Variants in BBS2 observed in about 807,000 individuals in gnomAD.
BBS2 encodes BBSome complex member BBS2.
Under a neutral mutation model 83.0 loss-of-function variants are expected in BBS2, and 62 were observed. The ratio of observed to expected loss-of-function variants is 0.75; its 90% confidence interval spans 0.61 to 0.92. The LOEUF (loss-of-function observed/expected upper bound fraction) is 0.92, where lower values mean the gene tolerates loss of function less well. Among genes scored for constraint, BBS2 ranks in the 40% least tolerant of loss-of-function variants. BBS2 has a pLI of 0.00. For missense variants in BBS2, 784 were observed against 901.0 expected (o/e 0.87, Z 1.66); for synonymous variants, 303 against 326.1 (o/e 0.93, Z 0.76).
chr16:56,508,678 CT>C (rs1363699679), intron 5 of BBS2, among the ~76,000 whole-genome samples: 3 of 108 alleles, frequency 0.028, no homozygotes, highest in Non-Finnish European at 0.047. Context: ...GAGTCTTGTT[CT>C]CGTTGCCCCT....
At position 56,498,539 on chromosome 16, in the gene BBS2, CAG is replaced by C. The variant is rs1964176080; in HGVS notation, c.1555_1556del (p.Leu519ValfsTer32). On this transcript the variant is annotated frameshift_variant, in exon 13 of 17. Coordinates refer to ENST00000245157, the MANE Select transcript of BBS2 (RefSeq NM_031885.5). LOFTEE classifies it high-confidence loss of function. ...TCTGAATGTGAGTGTCTTCTGGTAA[CAG>C]AAAGTTCTGACCGAGCCATACAACA... is the stretch of plus-strand genomic sequence containing the variant. Reference protein sequence around the residue: ...RVVVWLGQNFLLPEDTHIQNA... With the variant: ...RVVVWLGQNFXLPEDTHIQNA... 6.2e-7 allele frequency: 1 copy of C among 1,614,006 alleles called. No homozygotes were observed. Among genetic ancestry groups the C allele is most frequent in the Non-Finnish European group, 8.5e-7 (1 of 1,179,998 alleles).
chr16:56,516,577 A>G (rs1173579050), intron 1 of BBS2, among the ~76,000 whole-genome samples: 1 of 152,018 alleles, frequency 6.6e-6, no homozygotes, highest in Non-Finnish European at 1.5e-5. Flanking sequence ...TTGTATTTTT[A>G]GTAGAGACAG....
At chr16:56,472,294 T>C (rs960539522) in intron 17 of BBS2, among the ~76,000 whole-genome samples, 1 of 152,302 alleles carries the variant, frequency 6.6e-6, no homozygotes, top group East Asian at 1.9e-4. Context: ...TCTATTCCTT[T>C]TTTGGTTTCA....
At position 56,514,540 on chromosome 16, in the gene BBS2, C is replaced by T. The variant is rs1567584829; in HGVS notation, c.258G>A (p.Glu86=). ...CCACTAAAAGGGCATCATAGCCAAGCTCAGGGTTCAATACGCCTGCAGTCA... is the reference window on the plus strand; with the variant it reads ...CCACTAAAAGGGCATCATAGCCAAGTTCAGGGTTCAATACGCCTGCAGTCA... ...SCLTAGVLNP[E]LGYDALLVGT... is the part of the protein sequence containing the mutation. Residue 86 remains glutamate (E), a synonymous_variant, in exon 2 of 17, where the codon GAG becomes GAA. Coordinates refer to ENST00000245157, the MANE Select transcript of BBS2 (RefSeq NM_031885.5). The T allele has an allele frequency of 6.2e-7, 1 of 1,614,136 alleles. No homozygotes were observed. The highest frequency in any genetic ancestry group is 8.5e-7 in the Non-Finnish European group (1 of 1,180,024).
chr16:56,498,174 G>A (rs1445089615), intron 13 of BBS2, among the ~76,000 whole-genome samples: 2 of 152,188 alleles, frequency 1.3e-5, no homozygotes, highest in African/African-American at 4.8e-5. Flanking sequence ...ACAAGGAAGA[G>A]ATGAAGGGAA....
At chr16:56,482,136 T>C (rs1963672797), downstream of BBS2, among the ~76,000 whole-genome samples, 3 of 152,212 alleles carry the variant, frequency 2.0e-5, no homozygotes, top group African/African-American at 7.2e-5. Context: ...ATTATGTTAT[T>C]AGACTCCCTA....
At chr16:56,492,419 C>T (rs1375141237) in intron 15 of BBS2, among the ~76,000 whole-genome samples, 1 of 152,048 alleles carries the variant, frequency 6.6e-6, no homozygotes, top group Non-Finnish European at 1.5e-5. Context: ...CATAGAAGGA[C>T]AAATATTATA....
chr16:56,480,352 C>CAAAAAAAAAAAAAAAAAAAAAAAAAAAAA (rs1286219655), downstream of BBS2, among the ~76,000 whole-genome samples: 47 of 76,520 alleles, frequency 6.1e-4, 4 homozygotes, highest in Admixed American at 8.2e-4. Context: ...CACACACACA[C>CAAAAAAAAAAAAAAAAAAAAAAAAAAAAA]AAAAAAAAAA....
chr16:56,485,870 T>G (rs1397736787), intron 15 of BBS2, 132 bp from the exon 16 acceptor site: 3 of 778,490 alleles, frequency 3.9e-6, no homozygotes, highest in South Asian at 3.1e-5. Context: ...ATCGAGTAAC[T>G]GCTAGTTTGC....
At position 56,474,844 on chromosome 16, in the gene BBS2, G is replaced by A; in HGVS notation, c.*1-4149C>T. 1 of 1,606,668 alleles carries A rather than the reference G, an allele frequency of 6.2e-7. No homozygotes were observed. The highest frequency in any genetic ancestry group is 1.7e-5 in the Admixed American group (1 of 59,320). On this transcript the variant is annotated intron_variant, in intron 17 of 17. Coordinates refer to the BBS2 transcript ENST00000682047. ...TTTCCTTAGAATCAAGTGTTCCCATGTGCCAAGGGGAACTGAGGCATTGGA... is the reference window on the plus strand; with the variant it reads ...TTTCCTTAGAATCAAGTGTTCCCATATGCCAAGGGGAACTGAGGCATTGGA...
intron 17 of BBS2, chr16:56,476,101 A>G (rs145365661): frequency 2.9e-5 from 46 of 1,613,448 alleles, no homozygotes; most frequent in Non-Finnish European, 3.7e-5. Flanking sequence ...AGACAGAGAG[A>G]CTCTGAAATT....
At position 56,499,871 on chromosome 16, in the gene BBS2, G is replaced by C. The variant is rs775269750; in HGVS notation, c.1434C>G (p.Leu478=). The C allele has an allele frequency of 1.2e-6, 2 of 1,614,112 alleles. No individual in the cohort carries two copies. Among genetic ancestry groups the C allele is most frequent in the Non-Finnish European group, 1.7e-6 (2 of 1,180,010 alleles). ...QFHVFESTRQ[L]PRFSMYALTS... ...TCAGCGCATACATGGAGAATCGAGG[G>C]AGCTGTCTTGTCGATTCAAATACAT... Residue 478 remains leucine (L), a synonymous_variant, in exon 12 of 17, where the codon CTC becomes CTG. Coordinates refer to ENST00000245157, the MANE Select transcript of BBS2 (RefSeq NM_031885.5).
chr16:56,479,878 C>T (rs913412484), downstream of BBS2, among the ~76,000 whole-genome samples: 9 of 152,346 alleles, frequency 5.9e-5, no homozygotes, highest in South Asian at 2.1e-4. Flanking sequence ...GCAACAAGAA[C>T]GGACAGATTT....
In BBS2 at chr16:56,484,615, GTTCT is replaced by G. The variant is rs1346870447; in HGVS notation, c.*142_*145del. ...GAAAGCAAGTCTATCTTCACATGTA[GTTCT>G]TTGTCTTTAATTTGTACAACTCACC... On this transcript the variant is annotated 3_prime_UTR_variant, in exon 17 of 17. Coordinates refer to ENST00000245157, the MANE Select transcript of BBS2 (RefSeq NM_031885.5). 4.3e-6 allele frequency: 3 copies of G among 692,760 alleles called. No homozygotes were observed. Among genetic ancestry groups the G allele is most frequent in the South Asian group, 1.6e-5 (1 of 63,954 alleles). 42.9% of individuals were successfully genotyped at this position (692,760 alleles called of 1,614,324 possible).
chr16:56,499,654 A>G, intron 12 of BBS2, 124 bp downstream of exon 12: 3 of 1,365,272 alleles, frequency 2.2e-6, no homozygotes, highest in Non-Finnish European at 3.1e-6. Context: ...AAGTTAGAGA[A>G]TTCTTTCATA....
intron 15 of BBS2, among the ~76,000 whole-genome samples, chr16:56,490,886 C>T (rs1963931391): frequency 6.6e-6 from 1 of 151,536 alleles, no homozygotes; most frequent in South Asian, 2.1e-4. Context: ...CTCAGCCTCC[C>T]GAATAGCTGG....
chr16:56,510,950 T>C (rs773807061), intron 3 of BBS2, 29 bp from the exon 4 acceptor site: 3 of 1,612,058 alleles, frequency 1.9e-6, no homozygotes, highest in Non-Finnish European at 2.5e-6. Context: ...ACCATTAGCA[T>C]GCCATCGTTT....
At chr16:56,501,941 T>C in intron 9 of BBS2, 1 of 376,054 alleles carries the variant, frequency 2.7e-6, no homozygotes, top group South Asian at 2.4e-5. Flanking sequence ...TATATTGTTC[T>C]TGCCTTTTGT....
rs192007013 is a variant in BBS2 at position 56,501,370 on chromosome 16, C to A, written c.1208G>T (p.Arg403Leu). The change falls in exon 10 of 17, where the codon CGC becomes CTC. Residue 403 changes from arginine to leucine, a missense_variant. Physicochemically the swap from Arg to Leu is moderately radical, Grantham distance 102. Transcript: ENST00000245157. ...NETQTAHTEL[R>L]ISTSNDTIIR... Reference sequence around the variant, plus strand: ...TGTCTTACCATTAGAAGTGGAAATGCGTAATTCTGTATGAGCAGTTTGGGT... The same window carrying A: ...TGTCTTACCATTAGAAGTGGAAATGAGTAATTCTGTATGAGCAGTTTGGGT... 2 of 1,613,736 alleles carry A rather than the reference C, an allele frequency of 1.2e-6. No individual in the cohort carries two copies. Among genetic ancestry groups the A allele is most frequent in the Admixed American group, 3.3e-5 (2 of 59,952 alleles).
Sources: allele counts gnomAD v4.1 joint callset (sites outside exome capture counted in the v4.1 genomes callset), GRCh38; gene constraint gnomAD v4.1.1; transcripts MANE v1.5; gene names NCBI Gene and HGNC (gene_info 2026-07-23, HGNC 2026-07-21).